Variants in EXOC5 observed in about 807,000 individuals in gnomAD.
The protein encoded by EXOC5 is exocyst complex component 5, also known as SEC10-like 1.
In EXOC5, 17 loss-of-function variants were observed where a neutral mutation model predicts 90.8. The ratio of observed to expected loss-of-function variants is 0.19; its 90% CI spans 0.13 to 0.28. The LOEUF (loss-of-function observed/expected upper bound fraction) is 0.28, where lower values mean the gene tolerates loss of function less well. EXOC5 is among the 10% of genes least tolerant of loss of function. The pLI, the probability that EXOC5 is intolerant of heterozygous loss-of-function variation, is 1.00. For synonymous variants in EXOC5, 260 were observed against 270.0 expected (o/e 0.96, Z 0.36); for missense variants, 569 against 830.6 (o/e 0.69, Z 3.87).
rs1270193714 is a variant in EXOC5, at chr14:57,237,371, A to G, written c.531-5T>C. On this transcript the variant is annotated splice_polypyrimidine_tract_variant and splice_region_variant and intron_variant, in intron 5 of 17. Transcript: ENST00000621441. ...TTGGATTTAACTTCTGAAAATCTGA[A>G]AGACAAAAACCAACCATGAGGTTTG... 6 of 1,522,856 alleles carry G rather than the reference A, an allele frequency of 3.9e-6. No individual in the cohort carries two copies. Among genetic ancestry groups the G allele is most frequent in the Non-Finnish European group, 3.6e-6 (4 of 1,121,684 alleles). 94.3% of individuals were successfully genotyped at this position (1,522,856 alleles called of 1,614,324 possible).
intron 1 of EXOC5, among the ~76,000 whole-genome samples, chr14:57,266,899 C>T (rs190823457): frequency 6.6e-4 from 100 of 151,454 alleles, no homozygotes; most frequent in Non-Finnish European, 9.4e-4. Flanking sequence ...ATCATGTGGT[C>T]AAACATTTAA....
At chr14:57,209,461 C>T (rs1312907808) in intron 17 of EXOC5, 106 bp downstream of exon 17, 4 of 616,400 alleles carry the variant, frequency 6.5e-6, no homozygotes, top group Non-Finnish European at 1.1e-5. Flanking sequence ...ACAATATCAA[C>T]AAAAGTTATA....
At chr14:57,246,269 G>T (rs1325556970) in intron 3 of EXOC5, among the ~76,000 whole-genome samples, 1 of 152,118 alleles carries the variant, frequency 6.6e-6, no homozygotes, top group African/African-American at 2.4e-5. Context: ...TGACTTTTGT[G>T]AAACTTCCCA....
chr14:57,268,479 G>A (rs752064745), intron 1 of EXOC5, 143 bp downstream of exon 1: 81 of 1,486,840 alleles, frequency 5.4e-5, no homozygotes, highest in Admixed American at 1.7e-4. Flanking sequence ...CTGACACGGA[G>A]CTGCCACCCC....
rs1031426016 is a variant in EXOC5, at chr14:57,207,290, A to C, written c.*1319T>G. On this transcript the variant is annotated 3_prime_UTR_variant, in exon 18 of 18. Coordinates refer to ENST00000621441, the MANE Select transcript of EXOC5 (RefSeq NM_006544.4). The stretch of plus-strand genomic sequence containing the variant: ...AAAATAGGCTAAAAAGCCTATATTA[A>C]AGAAAAAATGCCAAGAGTGAATTGA... 1 of 152,480 alleles carries C rather than the reference A, an allele frequency of 6.6e-6. No homozygotes were observed. The highest frequency in any genetic ancestry group is 1.5e-5 in the Non-Finnish European group (1 of 67,936). 9.4% of individuals were successfully genotyped at this position (152,480 alleles called of 1,614,324 possible). A position where few individuals can be genotyped will look rare whatever the true frequency, so the allele number is the denominator to read the frequency against.
chr14:57,268,481 T>G lies in EXOC5; in HGVS notation c.27+141A>C, dbSNP rs907334811. On this transcript the variant is annotated intron_variant, in intron 1 of 17. Coordinates refer to ENST00000621441, the MANE Select transcript of EXOC5 (RefSeq NM_006544.4). ...CGCTCCGCCCGCGCTGACACGGAGC[T>G]GCCACCCCAACCCTTCTGTTTCGCA... The G allele has an allele frequency of 6.0e-6, 9 of 1,504,886 alleles. No individual in the cohort carries two copies. In the African/African-American group the frequency reaches 7.1e-5, roughly 12 times the overall value. 93.2% of individuals were successfully genotyped at this position (1,504,886 alleles called of 1,614,324 possible).
At chr14:57,266,331 T>C (rs1208596672) in intron 1 of EXOC5, among the ~76,000 whole-genome samples, 7 of 152,040 alleles carry the variant, frequency 4.6e-5, no homozygotes, top group Non-Finnish European at 1.0e-4. Context: ...AGTGACAGGA[T>C]TTTTTTTCCT....
Position 57,208,480 on chromosome 14 carries a change from G to A in EXOC5, c.*129C>T. ...TAAGTATGGCTGCTGTTTTGTTCCA[G>A]TCATTGTTTCACAAAATGTTGGCTG... On this transcript the variant is annotated 3_prime_UTR_variant, in exon 18 of 18. Transcript: ENST00000621441. 1 of 585,964 alleles carries A rather than the reference G, an allele frequency of 1.7e-6. No homozygotes were observed. The highest frequency in any genetic ancestry group is 3.0e-6 in the Non-Finnish European group (1 of 335,624). 36.3% of individuals were successfully genotyped at this position (585,964 alleles called of 1,614,324 possible). A position where few individuals can be genotyped will look rare whatever the true frequency, so the allele number is the denominator to read the frequency against.
In EXOC5 at chr14:57,231,595, C is replaced by G. The variant is rs111631945; in HGVS notation, c.1059G>C (p.Glu353Asp). 13 of 1,613,086 alleles carry G rather than the reference C, an allele frequency of 8.1e-6. No individual in the cohort carries two copies. The highest frequency in any genetic ancestry group is 3.3e-5 in the Admixed American group (2 of 60,008). Residue 353 changes from glutamate to aspartate, a missense_variant, in exon 11 of 18, where the codon GAG becomes GAC. Glu to Asp is a conservative substitution (Grantham distance 45, BLOSUM62 2). This residue lies in a region of EXOC5 where 69 missense variants were observed against 115.5 expected (regional missense o/e 0.60). Coordinates refer to ENST00000621441, the MANE Select transcript of EXOC5 (RefSeq NM_006544.4). ...CACTTCTGCTTTTCAAATATCCAGT[C>G]TCCACCTCAATATAGTTCTCCAAAT... is the stretch of plus-strand genomic sequence containing the variant. ...ISYLENYIEV[E>D]TGYLKSRSAM...
chr14:57,262,560 GTGTGTA>G (rs1238061849), intron 1 of EXOC5, among the ~76,000 whole-genome samples: 9 of 137,752 alleles, frequency 6.5e-5, no homozygotes, highest in African/African-American at 2.8e-4. Context: ...GTGTGTGTGT[GTGTGTA>G]TATATATATA....
chr14:57,244,910 C>T (rs1883990657), intron 3 of EXOC5, among the ~76,000 whole-genome samples: 1 of 151,226 alleles, frequency 6.6e-6, no homozygotes. Context: ...GCAGGAGAAT[C>T]GCTTGAACTC....
chr14:57,244,426 C>T, intron 3 of EXOC5, 67 bp from the exon 4 acceptor site: 1 of 1,043,896 alleles, frequency 9.6e-7, no homozygotes, highest in African/African-American at 1.6e-5. Flanking sequence ...AACTACTACT[C>T]TTATTGCTAC....
In EXOC5 at chr14:57,203,751, AC is replaced by A. The variant is rs1882566079; in HGVS notation, c.*4857del. The stretch of plus-strand genomic sequence containing the variant: ...TAAATTAAAAGTGGCTCAGTTGGAT[AC>A]TGTCTCTTAAACACAGTAATATAAA... On this transcript the variant is annotated 3_prime_UTR_variant, in exon 18 of 18. Coordinates refer to ENST00000621441, the MANE Select transcript of EXOC5 (RefSeq NM_006544.4). 6.5e-6 allele frequency: 1 copy of A among 152,716 alleles called. No homozygotes were observed. Among genetic ancestry groups the A allele is most frequent in the Middle Eastern group, 3.4e-3 (1 of 294 alleles). The allele number at this position is 152,716 out of a possible 1,614,324, so 9.5% of individuals were successfully genotyped here.
Position 57,228,969 on chromosome 14 carries a change from ACT to A in EXOC5, c.1296+763_1296+764del, listed in dbSNP as rs1417825438. Among the ~76,000 whole-genome samples the A allele has an allele frequency of 4.6e-5, 7 of 151,832 alleles. No individual in the cohort carries two copies. In the East Asian group the frequency reaches 9.7e-4, roughly 21 times the overall value. On this transcript the variant is annotated intron_variant, in intron 12 of 17. Transcript: ENST00000621441. ...TAGTATCATTTACAAATACTTTATC[ACT>A]CTGACTTATCTGTTTATTTTGCTAA...
At chr14:57,226,263 T>C (rs1170746581) in intron 12 of EXOC5, among the ~76,000 whole-genome samples, 7 of 152,236 alleles carry the variant, frequency 4.6e-5, no homozygotes, top group Admixed American at 4.6e-4. Context: ...ATTTCCCAAC[T>C]TGAGTTTTCC....
chr14:57,216,021 T>C (rs985546026), intron 15 of EXOC5, among the ~76,000 whole-genome samples: 6 of 152,010 alleles, frequency 3.9e-5, no homozygotes, highest in Admixed American at 3.9e-4. Context: ...TTTTTATACA[T>C]TATCAGCAAA....
intron 3 of EXOC5, among the ~76,000 whole-genome samples, chr14:57,245,593 C>T (rs1052201024): frequency 6.6e-6 from 1 of 152,124 alleles, no homozygotes; most frequent in African/African-American, 2.4e-5. Flanking sequence ...AAAATGCATT[C>T]CTTATCTTAA....
At chr14:57,248,218 A>G (rs1267792155) in intron 1 of EXOC5, among the ~76,000 whole-genome samples, 1 of 151,986 alleles carries the variant, frequency 6.6e-6, no homozygotes, top group Non-Finnish European at 1.5e-5. Flanking sequence ...AGTATTAGGT[A>G]ACATCAGTGT....
Position 57,259,637 on chromosome 14 carries a change from G to A in EXOC5, c.27+8985C>T, listed in dbSNP as rs61994958. Among the ~76,000 whole-genome samples the A allele has an allele frequency of 1.3e-4, 20 of 152,094 alleles. No homozygotes were observed. The East Asian group carries it at 2.9e-3, about 22-fold the overall frequency. ...TTATTCAAAGCCTGGCTCTATTCCC[G>A]TTTCTTCTTTGAAGGGTTCCTTCCT... On this transcript the variant is annotated intron_variant, in intron 1 of 17. Transcript: ENST00000621441.
Sources: allele counts gnomAD v4.1 joint callset (sites outside exome capture counted in the v4.1 genomes callset), GRCh38; gene constraint gnomAD v4.1.1; regional missense constraint gnomAD v4.1.1; transcripts MANE v1.5; gene names NCBI Gene and HGNC (gene_info 2026-07-23, HGNC 2026-07-21).